Variants in MED12L observed in about 807,000 individuals in gnomAD.
MED12L encodes the protein mediator complex subunit 12L.
A neutral mutation model predicts 281.3 loss-of-function variants in MED12L; 60 were observed. The ratio of observed to expected loss-of-function variants is 0.21; its 90% confidence interval spans 0.17 to 0.26. MED12L has a LOEUF of 0.26. MED12L is among the 10% of genes least tolerant of loss of function. The probability of loss-of-function intolerance (pLI) is 1.00; values close to 1 mark genes in which losing one functional copy is unlikely to be tolerated. For synonymous variants in MED12L, 974 were observed against 987.2 expected (o/e 0.99, Z 0.25); for missense variants, 2,146 against 2,680.9 (o/e 0.80, Z 4.41).
chr3:151,092,490 G>A (rs1164997162), intron 2 of MED12L, among the ~76,000 whole-genome samples: 1 of 152,198 alleles, frequency 6.6e-6, no homozygotes, highest in Non-Finnish European at 1.5e-5. Context: ...AATGCAGAAA[G>A]AACTATTAAT....
intron 5 of MED12L, among the ~76,000 whole-genome samples, chr3:151,146,398 G>T (rs1717766741): frequency 6.6e-6 from 1 of 152,130 alleles, no homozygotes; most frequent in Non-Finnish European, 1.5e-5. Context: ...GGGTCTCAGG[G>T]TACAATGGAG....
At chr3:151,229,048 C>T (rs1302631628) in intron 16 of MED12L, among the ~76,000 whole-genome samples, 1 of 152,188 alleles carries the variant, frequency 6.6e-6, no homozygotes, top group East Asian at 1.9e-4. Context: ...TGTGAGAAAA[C>T]AACAGCTTTA....
chr3:151,406,827 G>A (rs1396902856), intron 39 of MED12L, among the ~76,000 whole-genome samples: 1 of 145,128 alleles, frequency 6.9e-6, no homozygotes, highest in Non-Finnish European at 1.5e-5. Flanking sequence ...TTGAGATAGG[G>A]TCTCATTCTG....
chr3:151,123,092 GT>G, intron 4 of MED12L, 118 bp downstream of exon 4: 1 of 845,156 alleles, frequency 1.2e-6, no homozygotes, highest in Non-Finnish European at 1.8e-6. Context: ...CTATTGGCAG[GT>G]TTGTGGTCCC....
At chr3:151,338,146 C>T (rs751620038) in intron 16 of MED12L, 2 of 1,613,970 alleles carry the variant, frequency 1.2e-6, no homozygotes, top group African/African-American at 1.3e-5. Context: ...TTGACGTTCA[C>T]CTTTTTCCTG....
chr3:151,431,751 A>G (rs1719551086), intron 44 of MED12L, among the ~76,000 whole-genome samples: 1 of 152,164 alleles, frequency 6.6e-6, no homozygotes, highest in South Asian at 2.1e-4. Flanking sequence ...TGTCTACCAG[A>G]GCTCAGCTTT....
At chr3:151,255,837 A>T (rs1399557455) in intron 16 of MED12L, among the ~76,000 whole-genome samples, 3 of 152,242 alleles carry the variant, frequency 2.0e-5, no homozygotes, top group Admixed American at 6.5e-5. Flanking sequence ...TGTATAAACC[A>T]GGAGACCTCA....
At chr3:151,096,014 C>G (rs1313267639) in intron 2 of MED12L, among the ~76,000 whole-genome samples, 1 of 152,200 alleles carries the variant, frequency 6.6e-6, no homozygotes, top group East Asian at 1.9e-4. Flanking sequence ...AGTACAGGCA[C>G]AGAAGGAGAA....
chr3:151,388,202 C>T (rs1349508785), intron 37 of MED12L, 30 bp downstream of exon 37: 3 of 1,561,842 alleles, frequency 1.9e-6, no homozygotes, highest in Non-Finnish European at 2.6e-6. Flanking sequence ...AGAACCTTGG[C>T]TCATTAGCAT....
chr3:151,092,198 C>T (rs962841625), intron 2 of MED12L, among the ~76,000 whole-genome samples: 2 of 152,280 alleles, frequency 1.3e-5, no homozygotes, highest in Non-Finnish European at 2.9e-5. Context: ...AGTTTTGTTT[C>T]CTGTCATTTG....
intron 16 of MED12L, among the ~76,000 whole-genome samples, chr3:151,347,061 A>G (rs1752634184): frequency 6.6e-6 from 1 of 152,176 alleles, no homozygotes; most frequent in South Asian, 2.1e-4. Flanking sequence ...CTTGGGTTCA[A>G]AAGCCTGATC....
In MED12L at chr3:151,421,410, T is replaced by C. The variant is rs866146192; in HGVS notation, c.6408+4988T>C. On this transcript the variant is annotated intron_variant, in intron 43 of 44. Transcript: ENST00000687756. ...TGTGCTTTACTGTGTTTTTTTTTTT[T>C]GTTTTGTTTCTTTGTGTTTGGAGAC... Among the ~76,000 whole-genome samples the C allele has an allele frequency of 3.8e-3, 558 of 147,116 alleles. 2 individuals carry two copies. The highest frequency in any genetic ancestry group is 0.013 in the African/African-American group (527 of 40,074).
intron 4 of MED12L, 62 bp downstream of exon 4, chr3:151,123,036 T>C: frequency 7.5e-7 from 1 of 1,328,082 alleles, no homozygotes. Context: ...TGGGATAATA[T>C]TCAAGTATAT....
chr3:151,223,229 A>G (rs1328643671), intron 16 of MED12L, among the ~76,000 whole-genome samples: 1 of 80,144 alleles, frequency 1.2e-5, no homozygotes, highest in Non-Finnish European at 2.7e-5. Flanking sequence ...GAGAACACTT[A>G]TGTACTCTTG....
intron 16 of MED12L, chr3:151,269,718 T>G: frequency 2.4e-6 from 1 of 421,856 alleles, no homozygotes; most frequent in Non-Finnish European, 4.6e-6. Flanking sequence ...ATCTTTAGTT[T>G]GAAAATAAAG....
At chr3:151,355,411 T>G (rs1753785359) in intron 18 of MED12L, among the ~76,000 whole-genome samples, 172 bp downstream of exon 18, 1 of 152,238 alleles carries the variant, frequency 6.6e-6, no homozygotes, top group Non-Finnish European at 1.5e-5. Context: ...GTTGCCTTCC[T>G]CGAAGGATTA....
Position 151,116,349 on chromosome 3 carries a change from T to G in MED12L, c.111T>G (p.Thr37=), listed in dbSNP as rs752892731. The change falls in exon 3 of 45, where the codon ACT becomes ACG. Residue 37 remains threonine, a synonymous_variant. Transcript: ENST00000687756. The part of the protein sequence containing the change: ...QDPKQKEDEL[T]AVNVKQGFNN... ...CGTCTCTTGAACAGGATGAACTTAC[T>G]GCTGTGAATGTAAAGCAAGGCTTCA... 1.2e-6 allele frequency: 2 copies of G among 1,612,424 alleles called. No homozygotes were observed. Among genetic ancestry groups the G allele is most frequent in the African/African-American group, 2.7e-5 (2 of 74,930 alleles).
chr3:151,357,106 T>G, intron 19 of MED12L, 107 bp from the exon 20 acceptor site: 2 of 917,458 alleles, frequency 2.2e-6, no homozygotes, highest in South Asian at 2.3e-5. Context: ...ATTTAGGGAA[T>G]GTATTTGTAG....
rs1723889222 is a variant in MED12L at position 151,190,917 on chromosome 3, G to A, written c.1954G>A (p.Asp652Asn). The stretch of plus-strand genomic sequence containing the variant: ...AGATGAACACTATTCAAAGGACCAT[G>A]ATGTGAAAATGGAGGTATGGCCCTG... The part of the protein sequence containing the change: ...NADEHYSKDH[D>N]VKMEEQSIMA... The change falls in exon 14 of 45, where the codon GAT (aspartate) becomes AAT (asparagine). Residue 652 changes from aspartate to asparagine, a missense_variant. Transcript: ENST00000687756. The A allele has an allele frequency of 1.2e-6, 2 of 1,613,996 alleles. No homozygotes were observed. The highest frequency in any genetic ancestry group is 1.7e-6 in the Non-Finnish European group (2 of 1,180,016).
Sources: gnomAD v4.1 joint callset for allele counts (sites outside exome capture counted in the v4.1 genomes callset) on GRCh38, gnomAD v4.1.1 for gene constraint, MANE v1.5 for transcripts, NCBI Gene and HGNC (gene_info 2026-07-23, HGNC 2026-07-21) for gene names.